Variants in PLXND1 observed in about 807,000 individuals in gnomAD.
PLXND1 encodes the protein plexin-D1.
A neutral mutation model predicts 197.7 loss-of-function variants in PLXND1; 54 were observed. The ratio of observed to expected loss-of-function variants is 0.27; its 90% confidence interval spans 0.22 to 0.34. PLXND1 has a LOEUF of 0.34. Ranked by LOEUF, PLXND1 falls within the 10% of genes least tolerant of loss-of-function variation. The probability of loss-of-function intolerance (pLI) is 1.00; values close to 1 mark genes in which losing one functional copy is unlikely to be tolerated. For missense variants in PLXND1, 2,127 were observed against 2,699.2 expected, an observed-to-expected ratio of 0.79 and a Z score of 4.70; for synonymous variants, 1,180 against 1,161.2, an observed-to-expected ratio of 1.02 and a Z score of -0.33.
At chr3:129,565,760 C>T (rs1367709492) in intron 24 of PLXND1, 127 bp downstream of exon 24, 8 of 1,084,870 alleles carry the variant, frequency 7.4e-6, no homozygotes, top group African/African-American at 1.6e-5. Context: ...CTTGGGCATC[C>T]CGGCCCAGGA....
chr3:129,566,627 G>A lies in PLXND1; in HGVS notation c.4091C>T (p.Ser1364Phe). Residue 1364 changes from serine (S) to phenylalanine (F), a missense_variant, in exon 23 of 36, where the codon TCC becomes TTC. Physicochemically the swap from Ser to Phe is radical, Grantham distance 155. Coordinates refer to ENST00000324093, the MANE Select transcript of PLXND1 (RefSeq NM_015103.3). ...CACGTAACGCTCTTCATAAAGGGAG[G>A]AACACTGCAGAGGCAGACCCCCAGC... ...FVTRTFFPKC[S>F]SLYEERYVLP... 6.3e-7 allele frequency: 1 copy of A among 1,589,446 alleles called. No homozygotes were observed. Among genetic ancestry groups the A allele is most frequent in the Non-Finnish European group, 8.6e-7 (1 of 1,159,868 alleles).
intron 1 of PLXND1, among the ~76,000 whole-genome samples, chr3:129,594,679 G>T (rs1171114507): frequency 6.6e-6 from 1 of 152,148 alleles, no homozygotes; most frequent in Non-Finnish European, 1.5e-5. Context: ...GACGTTTGTG[G>T]AGTGCAGTCT....
At chr3:129,570,014 G>C in intron 19 of PLXND1, 57 bp from the exon 20 acceptor site, 1 of 973,144 alleles carries the variant, frequency 1.0e-6, no homozygotes, top group Non-Finnish European at 1.7e-6. Flanking sequence ...CTCTAGTTCT[G>C]CTCCTCACTT....
intron 20 of PLXND1, among the ~76,000 whole-genome samples, chr3:129,568,017 C>G (rs1302237588): frequency 6.6e-6 from 1 of 151,864 alleles, no homozygotes; most frequent in African/African-American, 2.4e-5. Flanking sequence ...GCCAGCAAAG[C>G]AATGCCTGAT....
chr3:129,556,046 G>A lies in PLXND1; in HGVS notation c.*266C>T, dbSNP rs182863875. 149 of 459,712 alleles carry A rather than the reference G, an allele frequency of 3.2e-4. No individual in the cohort carries two copies. Among genetic ancestry groups the A allele is most frequent in the African/African-American group, 2.6e-3 (134 of 50,700 alleles). 28.5% of individuals were successfully genotyped at this position (459,712 alleles called of 1,614,324 possible). A position where few individuals can be genotyped will look rare whatever the true frequency, so the allele number is the denominator to read the frequency against. On this transcript the variant is annotated 3_prime_UTR_variant, in exon 36 of 36. Coordinates refer to ENST00000324093, the MANE Select transcript of PLXND1 (RefSeq NM_015103.3). Reference sequence around the variant, plus strand: ...CAAGTGGGTGGGCACAGTGCAGGCCGTGCTGGGCAGATGGGGGAGCCTGAC... The same window carrying A: ...CAAGTGGGTGGGCACAGTGCAGGCCATGCTGGGCAGATGGGGGAGCCTGAC...
rs777745581 is a variant in PLXND1 at position 129,567,515 on chromosome 3, C to T, written c.4063G>A (p.Val1355Met). 7.5e-6 allele frequency: 12 copies of T among 1,605,848 alleles called. No individual in the cohort carries two copies. The South Asian group carries it at 7.8e-5, about 10-fold the overall frequency. The part of the protein sequence containing the change: ...GIPFLEYKHF[V>M]TRTFFPKCSS... ...ACCTTGGGGAAGAAGGTGCGGGTCA[C>T]GAAGTGCTTATACTCCAGGAAGGGG... The change falls in exon 22 of 36, where the codon GTG becomes ATG. Residue 1355 changes from valine to methionine, a missense_variant. By Grantham distance (21) the Val-to-Met change is conservative (BLOSUM62 1). Coordinates refer to ENST00000324093, the MANE Select transcript of PLXND1 (RefSeq NM_015103.3).
chr3:129,606,156 G>T lies in PLXND1; in HGVS notation c.484C>A (p.Arg162Ser), dbSNP rs1219631844. 2 of 1,521,136 alleles carry T rather than the reference G, an allele frequency of 1.3e-6. No homozygotes were observed. Among genetic ancestry groups the T allele is most frequent in the Non-Finnish European group, 8.8e-7 (1 of 1,141,258 alleles). 94.2% of individuals were successfully genotyped at this position (1,521,136 alleles called of 1,614,324 possible). Reference sequence around the variant, plus strand: ...GCGGGCGGCGCGGCGGGCGGGAAGCGCACGGCCACGGCCGAGATGTTGCCC... The same window carrying T: ...GCGGGCGGCGCGGCGGGCGGGAAGCTCACGGCCACGGCCGAGATGTTGCCC... ...RRGNISAVAV[R>S]FPPAAPPAEP... is the part of the protein sequence containing the mutation. The change falls in exon 1 of 36, where the codon CGC becomes AGC. Residue 162 changes from arginine to serine, a missense_variant. By Grantham distance (110) the Arg-to-Ser change is moderately radical. Coordinates refer to ENST00000324093, the MANE Select transcript of PLXND1 (RefSeq NM_015103.3).
chr3:129,601,014 G>A (rs1446516635), intron 1 of PLXND1, among the ~76,000 whole-genome samples: 1 of 152,104 alleles, frequency 6.6e-6, no homozygotes, highest in East Asian at 1.9e-4. Flanking sequence ...AGGTTGGGGA[G>A]AAAGACTTGG....
chr3:129,591,081 AAC>A (rs1013496731), intron 1 of PLXND1, among the ~76,000 whole-genome samples: 107 of 152,372 alleles, frequency 7.0e-4, no homozygotes, highest in African/African-American at 2.4e-3. Flanking sequence ...TGGGCAAATA[AAC>A]ACAGTTACGG....
At chr3:129,566,193 AGT>A in intron 23 of PLXND1, 176 bp from the exon 24 acceptor site, 1 of 658,578 alleles carries the variant, frequency 1.5e-6, no homozygotes, top group Admixed American at 2.7e-5. Context: ...TGAATTGAAA[AGT>A]GGGGCTCAGA....
Position 129,560,691 on chromosome 3 carries a change from A to G in PLXND1, c.5026T>C (p.Leu1676=), listed in dbSNP as rs770091694. The G allele has an allele frequency of 1.2e-6, 2 of 1,604,926 alleles. No individual in the cohort carries two copies. Among genetic ancestry groups the G allele is most frequent in the Non-Finnish European group, 1.7e-6 (2 of 1,171,716 alleles). The change falls in exon 30 of 36, where the codon TTG becomes CTG. Residue 1676 remains leucine (L), a splice_region_variant and synonymous_variant. Coordinates refer to ENST00000324093, the MANE Select transcript of PLXND1 (RefSeq NM_015103.3). ...CGGGGCCGAGGTTGGGCACTCACCA[A>G]ATGGAAATACTTCTCTGTGTCCAAG... ...KDLDTEKYFH[L]VLPTDELAEP... is the part of the protein sequence containing the mutation.
At chr3:129,556,572 A>G in intron 35 of PLXND1, 45 bp downstream of exon 35, 1 of 1,442,192 alleles carries the variant, frequency 6.9e-7, no homozygotes, top group Non-Finnish European at 9.8e-7. Flanking sequence ...TTGAGTAGGA[A>G]GCTCACCTAC....
chr3:129,567,914 A>G, intron 20 of PLXND1, 109 bp from the exon 21 acceptor site: 1 of 334,404 alleles, frequency 3.0e-6, no homozygotes, highest in Non-Finnish European at 5.7e-6. Flanking sequence ...AGGGTGTGGG[A>G]GGAGGCCCTG....
At chr3:129,573,786 C>CTGCA in intron 12 of PLXND1, 41 bp from the exon 13 acceptor site, 1 of 1,599,010 alleles carries the variant, frequency 6.3e-7, no homozygotes, top group Non-Finnish European at 8.5e-7. Context: ...GGATCTGAGG[C>CTGCA]TGCAGGCCAG....
At chr3:129,571,397 G>A in intron 17 of PLXND1, 94 bp from the exon 18 acceptor site, 2 of 1,532,626 alleles carry the variant, frequency 1.3e-6, no homozygotes, top group Non-Finnish European at 1.8e-6. Flanking sequence ...GAGACACAGA[G>A]GCAGAGGGAG....
chr3:129,568,400 A>G (rs1376380462), intron 20 of PLXND1, among the ~76,000 whole-genome samples: 1 of 152,180 alleles, frequency 6.6e-6, no homozygotes, highest in Admixed American at 6.5e-5. Context: ...GGTATTAATG[A>G]TGGGTATTTT....
chr3:129,575,709 A>C, intron 10 of PLXND1, 57 bp downstream of exon 10: 1 of 1,334,338 alleles, frequency 7.5e-7, no homozygotes, highest in South Asian at 1.2e-5. Flanking sequence ...TGAGGGGTAC[A>C]GCATCTGGAC....
In PLXND1 at chr3:129,571,748, G is replaced by C; in HGVS notation, c.3174C>G (p.His1058Gln). Residue 1058 changes from histidine to glutamine, a missense_variant, in exon 16 of 36, where the codon CAC becomes CAG. His to Gln is a conservative substitution (Grantham distance 24, BLOSUM62 0). This residue lies in a region of PLXND1 where 1,095 missense variants were observed against 1,259.8 expected (regional missense o/e 0.87). Transcript: ENST00000324093. ...GCATGTACCAGAAGGTGAGGTTGCC[G>C]TGCACGCAGCCCCGACGCTCGAAGC... ...CVRFERRGCV[H>Q]GNLTFWYMQN... The C allele has an allele frequency of 6.2e-7, 1 of 1,613,476 alleles. No individual in the cohort carries two copies. Among genetic ancestry groups the C allele is most frequent in the South Asian group, 1.1e-5 (1 of 91,084 alleles).
At chr3:129,603,512 C>A (rs774718334) in intron 1 of PLXND1, among the ~76,000 whole-genome samples, 1 of 152,184 alleles carries the variant, frequency 6.6e-6, no homozygotes, top group Non-Finnish European at 1.5e-5. Context: ...CCCACTGAGA[C>A]CCCCAGTGCC....
Sources: allele counts gnomAD v4.1 joint callset (sites outside exome capture counted in the v4.1 genomes callset), GRCh38; gene constraint gnomAD v4.1.1; regional missense constraint gnomAD v4.1.1; transcripts MANE v1.5; gene names NCBI Gene and HGNC (gene_info 2026-07-23, HGNC 2026-07-21).